CACNA1D: variants seen among roughly 807,000 people sequenced by gnomAD.
The protein encoded by CACNA1D is calcium voltage-gated channel subunit alpha1 D.
A neutral mutation model predicts 257.1 loss-of-function variants in CACNA1D; 55 were observed. The ratio of observed to expected loss-of-function variants is 0.21; its 90% CI spans 0.17 to 0.27. The LOEUF (loss-of-function observed/expected upper bound fraction) is 0.27, where lower values mean the gene tolerates loss of function less well. Among genes scored for constraint, CACNA1D ranks in the 10% least tolerant of loss-of-function variants. The pLI is 1.00. For synonymous variants in CACNA1D, 980 were observed against 1,014.9 expected, an observed-to-expected ratio of 0.97 and a Z score of 0.65; for missense variants, 1,876 against 2,784.0, an observed-to-expected ratio of 0.67 and a Z score of 7.34.
At chr3:53,597,938 C>T (rs1230026006) in intron 3 of CACNA1D, among the ~76,000 whole-genome samples, 1 of 152,208 alleles carries the variant, frequency 6.6e-6, no homozygotes, top group Non-Finnish European at 1.5e-5. Flanking sequence ...GTAAAAACTG[C>T]AATTACTTTT....
chr3:53,510,288 C>T (rs1166906408), intron 3 of CACNA1D, among the ~76,000 whole-genome samples: 2 of 152,126 alleles, frequency 1.3e-5, no homozygotes, highest in African/African-American at 2.4e-5. Context: ...AACATAAATA[C>T]AGTTTGAGTA....
At chr3:53,580,591 T>C (rs2093116101) in intron 3 of CACNA1D, among the ~76,000 whole-genome samples, 1 of 152,222 alleles carries the variant, frequency 6.6e-6, no homozygotes, top group Non-Finnish European at 1.5e-5. Context: ...AATTGTGACT[T>C]CCTCTAGATG....
intron 29 of CACNA1D, among the ~76,000 whole-genome samples, chr3:53,756,886 C>T (rs1217207486): frequency 6.6e-6 from 1 of 152,198 alleles, no homozygotes; most frequent in Non-Finnish European, 1.5e-5. Flanking sequence ...ATGTTGTTTG[C>T]TGCGGTTACT....
intron 3 of CACNA1D, among the ~76,000 whole-genome samples, chr3:53,509,182 A>G (rs1303654359): frequency 6.6e-6 from 1 of 151,262 alleles, no homozygotes; most frequent in Non-Finnish European, 1.5e-5. Context: ...TGGGCAGGCA[A>G]AGCCGGAAAT....
intron 3 of CACNA1D, among the ~76,000 whole-genome samples, chr3:53,554,643 A>G (rs553643769): frequency 2.0e-5 from 3 of 152,342 alleles, no homozygotes; most frequent in Admixed American, 6.5e-5. Context: ...CCTCAAGGGT[A>G]GGGATTAGAT....
At chr3:53,724,030 C>T (rs535928051) in intron 14 of CACNA1D, 31 bp downstream of exon 14, 4 of 1,557,022 alleles carry the variant, frequency 2.6e-6, no homozygotes, top group Non-Finnish European at 3.5e-6. Flanking sequence ...CCGAAAAGCA[C>T]TTCGTGAGCA....
chr3:53,555,933 A>G (rs2107610994), intron 3 of CACNA1D, among the ~76,000 whole-genome samples: 1 of 152,294 alleles, frequency 6.6e-6, no homozygotes, highest in Admixed American at 6.5e-5. Context: ...AAGATAACAG[A>G]ACAGTTTTGT....
At chr3:53,622,666 G>T (rs760401709) in intron 3 of CACNA1D, among the ~76,000 whole-genome samples, 10 of 152,052 alleles carry the variant, frequency 6.6e-5, no homozygotes, top group Non-Finnish European at 1.3e-4. Context: ...AACAACTAAT[G>T]TGTACTAGGC....
At chr3:53,668,981 G>T (rs1180324066) in intron 7 of CACNA1D, among the ~76,000 whole-genome samples, 1 of 152,168 alleles carries the variant, frequency 6.6e-6, no homozygotes, top group Non-Finnish European at 1.5e-5. Flanking sequence ...TGGTCTGCAG[G>T]TCATGCTGTG....
rs774557824 is a variant in CACNA1D, at chr3:53,726,870, G to C, written c.2101-9G>C. On this transcript the variant is annotated splice_polypyrimidine_tract_variant and intron_variant, in intron 14 of 47. Transcript: ENST00000350061. ...CCACCTGCTGGCTGATACCAGTTTG[G>C]CTTCTCAGATCCTGACAGGCGAAGA... The C allele has an allele frequency of 6.2e-7, 1 of 1,614,052 alleles. No individual in the cohort carries two copies. Among genetic ancestry groups the C allele is most frequent in the Non-Finnish European group, 8.5e-7 (1 of 1,180,024 alleles).
chr3:53,523,602 T>C (rs963075548), intron 3 of CACNA1D, among the ~76,000 whole-genome samples: 2 of 152,218 alleles, frequency 1.3e-5, no homozygotes, highest in African/African-American at 2.4e-5. Context: ...AGGTACTTCA[T>C]ACACACAAAC....
intron 25 of CACNA1D, 100 bp from the exon 26 acceptor site, chr3:53,747,202 G>T: frequency 1.0e-6 from 1 of 958,692 alleles, no homozygotes; most frequent in South Asian, 1.4e-5. Context: ...GACTGAGTGT[G>T]ACCTGCCTGG....
intron 10 of CACNA1D, chr3:53,718,870 A>C: frequency 1.3e-6 from 1 of 799,234 alleles, no homozygotes; most frequent in South Asian, 1.7e-5. Context: ...GACCTTCCTA[A>C]CCTCAGGCCT....
In CACNA1D at chr3:53,808,708, G is replaced by T. The variant is rs747619330; in HGVS notation, c.5809G>T (p.Val1937Phe). 2 of 1,609,416 alleles carry T rather than the reference G, an allele frequency of 1.2e-6. No individual in the cohort carries two copies. The highest frequency in any genetic ancestry group is 1.7e-6 in the Non-Finnish European group (2 of 1,179,988). ...GCGCCGGCAGAGCAGCCAGGAAGAGGTCCCGTCGTCTCCCATCTTCCCCCA... is the reference window on the plus strand; with the variant it reads ...GCGCCGGCAGAGCAGCCAGGAAGAGTTCCCGTCGTCTCCCATCTTCCCCCA... Reference protein sequence around the residue: ...CLRRQSSQEEVPSSPIFPHRT... With the variant: ...CLRRQSSQEEFPSSPIFPHRT... The change falls in exon 46 of 48, where the codon GTC becomes TTC. Residue 1937 changes from valine to phenylalanine, a missense_variant. By Grantham distance (50) the Val-to-Phe change is conservative. Coordinates refer to ENST00000350061, the MANE Select transcript of CACNA1D (RefSeq NM_001128840.3).
At chr3:53,517,263 C>G (rs2091377276) in intron 3 of CACNA1D, among the ~76,000 whole-genome samples, 1 of 150,346 alleles carries the variant, frequency 6.7e-6, no homozygotes, top group Non-Finnish European at 1.5e-5. Flanking sequence ...AATTCCACTC[C>G]ATCTCTCCAT....
At chr3:53,718,514 T>A in intron 10 of CACNA1D, 126 bp downstream of exon 10, 3 of 1,058,830 alleles carry the variant, frequency 2.8e-6, no homozygotes, top group Non-Finnish European at 4.3e-6. Flanking sequence ...GTGGGAAGGC[T>A]CCTCGTACCC....
intron 3 of CACNA1D, among the ~76,000 whole-genome samples, chr3:53,591,650 C>T (rs187519807): frequency 2.0e-5 from 3 of 152,266 alleles, no homozygotes; most frequent in African/African-American, 4.8e-5. Flanking sequence ...AATGCTGTGT[C>T]GATTTGCCCT....
intron 8 of CACNA1D, among the ~76,000 whole-genome samples, chr3:53,685,374 G>A (rs1412521808): frequency 1.3e-5 from 2 of 151,514 alleles, no homozygotes; most frequent in Non-Finnish European, 3.0e-5. Flanking sequence ...AAACATAGAT[G>A]AAAATTTGTA....
In CACNA1D at chr3:53,733,272, A is replaced by G. The variant is rs142038610; in HGVS notation, c.2621+310A>G. Among the ~76,000 whole-genome samples the G allele has an allele frequency of 1.1e-4, 16 of 152,126 alleles. No homozygotes were observed. In the East Asian group the frequency reaches 3.1e-3, roughly 29 times the overall value. ...GACAGCAATGGGGAAAGCCTTGTCC[A>G]CCCCAGCATATTCCAGCTGGAGCTC... On this transcript the variant is annotated intron_variant, in intron 19 of 47. Transcript: ENST00000350061.
Sources: gnomAD v4.1 joint callset for allele counts (sites outside exome capture counted in the v4.1 genomes callset) on GRCh38, gnomAD v4.1.1 for gene constraint, MANE v1.5 for transcripts, NCBI Gene and HGNC (gene_info 2026-07-23, HGNC 2026-07-21) for gene names.